The following GRIP1 variants were observed in gnomAD, a reference collection of about 807,000 sequenced individuals.
GRIP1 encodes glutamate receptor-interacting protein 1.
GRIP1 carries 45 observed loss-of-function variants against 129.9 expected under a neutral mutation model. The observed-to-expected ratio is 0.35, with a 90% CI of 0.27 to 0.44. The LOEUF is 0.44. Among genes scored for constraint, GRIP1 ranks in the 20% least tolerant of loss-of-function variants. The pLI, the probability that GRIP1 is intolerant of heterozygous loss-of-function variation, is 1.00. For synonymous variants in GRIP1, 530 were observed against 520.8 expected (o/e 1.02, Z -0.24); for missense variants, 1,196 against 1,396.8 (o/e 0.86, Z 2.29).
intron 1 of GRIP1, among the ~76,000 whole-genome samples, chr12:67,030,497 T>C (rs1274090051): frequency 1.3e-5 from 2 of 152,192 alleles, no homozygotes; most frequent in East Asian, 3.9e-4. Flanking sequence ...TATTGTCAGA[T>C]AGAAAAAAGT....
chr12:66,817,243 C>CACACAT lies in GRIP1; in HGVS notation c.59-220317_59-220316insATGTGT, dbSNP rs781019231. ...ACACACACACACACACACACACACACATATATATTTCCCACGGACTATTTC... is the reference window on the plus strand; with the variant it reads ...ACACACACACACACACACACACACACACACATATATATATTTCCCACGGACTATTTC... On this transcript the variant is annotated intron_variant, in intron 1 of 1. Coordinates refer to the GRIP1 transcript ENST00000643019. 5.7e-4 allele frequency among the ~76,000 whole-genome samples: 75 copies of CACACAT among 132,298 alleles called. 1 individual carries two copies. The highest frequency in any genetic ancestry group is 2.9e-3 in the Admixed American group (39 of 13,512). The allele number at this position is 132,298 out of a possible 152,430, so 86.8% of individuals were successfully genotyped here. A position where few individuals can be genotyped will look rare whatever the true frequency, so the allele number is the denominator to read the frequency against.
At chr12:66,655,985 T>C (rs562398734) in intron 1 of GRIP1, among the ~76,000 whole-genome samples, 2 of 152,312 alleles carry the variant, frequency 1.3e-5, no homozygotes, top group Admixed American at 6.5e-5. Context: ...AAATTAGATA[T>C]ACTGAAGATC....
At chr12:66,862,682 T>C (rs1052202045) in intron 1 of GRIP1, among the ~76,000 whole-genome samples, 4 of 151,996 alleles carry the variant, frequency 2.6e-5, no homozygotes, top group African/African-American at 9.7e-5. Context: ...TCTAGGAAAA[T>C]TGACCTTTCC....
In GRIP1 at chr12:66,685,596, C is replaced by T. The variant is rs373022966; in HGVS notation, c.-419-55260G>A. Among the ~76,000 whole-genome samples, 28 of 152,188 alleles carry T rather than the reference C, an allele frequency of 1.8e-4. No individual in the cohort carries two copies. In the East Asian group the frequency reaches 2.9e-3, roughly 16 times the overall value. On this transcript the variant is annotated intron_variant, in intron 1 of 4. Transcript: ENST00000538373. ...AGGATATAGCGGTGGTGGGCTTATG[C>T]GCTACTAGGAAGGAAAGAAACACAG...
chr12:66,548,514 G>T (rs1259604500), intron 2 of GRIP1, among the ~76,000 whole-genome samples: 1 of 152,198 alleles, frequency 6.6e-6, no homozygotes, highest in Non-Finnish European at 1.5e-5. Flanking sequence ...CCATGCAATG[G>T]GGGTAGGGTG....
chr12:66,544,493 G>A (rs910095992), intron 2 of GRIP1, among the ~76,000 whole-genome samples: 5 of 152,134 alleles, frequency 3.3e-5, no homozygotes, highest in South Asian at 2.1e-4. Context: ...AACGTAGAGC[G>A]AAGGCCTGAG....
At chr12:66,588,899 G>T (rs2063741898) in intron 2 of GRIP1, among the ~76,000 whole-genome samples, 1 of 151,688 alleles carries the variant, frequency 6.6e-6, no homozygotes, top group Non-Finnish European at 1.5e-5. Context: ...AACCTGGGAG[G>T]TGGAGGTTGC....
rs374620257 is a variant in GRIP1, at chr12:66,815,854, T to TCTC, written c.59-218928_59-218927insGAG. On this transcript the variant is annotated intron_variant, in intron 1 of 1. Coordinates refer to the GRIP1 transcript ENST00000643019. ...TTTCTTTCTTTCTTTCTTTCTTTCT[T>TCTC]TCTCTCTCTCTCTCTCTCTCTCTCT... Among the ~76,000 whole-genome samples, 457 of 116,812 alleles carry TCTC rather than the reference T, an allele frequency of 3.9e-3. 2 individuals carry two copies. The highest frequency in any genetic ancestry group is 5.8e-3 in the Admixed American group (59 of 10,094). 76.6% of individuals were successfully genotyped at this position (116,812 alleles called of 152,430 possible).
At chr12:66,377,130 A>T (rs2055822176) in intron 21 of GRIP1, 44 bp downstream of exon 21, 2 of 1,562,178 alleles carry the variant, frequency 1.3e-6, no homozygotes, top group African/African-American at 2.7e-5. Context: ...ACCAAAAAAA[A>T]TGAATGTAGA....
intron 1 of GRIP1, among the ~76,000 whole-genome samples, chr12:66,996,228 T>A (rs888235365): frequency 6.6e-6 from 1 of 152,152 alleles, no homozygotes; most frequent in Non-Finnish European, 1.5e-5. Context: ...AAAATTGATG[T>A]GATAATGATT....
At chr12:66,688,202 G>T (rs1398075918) in intron 1 of GRIP1, among the ~76,000 whole-genome samples, 2 of 152,124 alleles carry the variant, frequency 1.3e-5, no homozygotes, top group African/African-American at 4.8e-5. Context: ...TGTCACTTGG[G>T]ATCAAAGAGT....
intron 1 of GRIP1, among the ~76,000 whole-genome samples, chr12:67,009,592 T>C (rs1042357670): frequency 1.3e-5 from 2 of 152,172 alleles, no homozygotes; most frequent in Non-Finnish European, 2.9e-5. Flanking sequence ...GGCCCCAAAA[T>C]GGTTTCTGTT....
chr12:66,997,194 C>T (rs2042480289), intron 1 of GRIP1, among the ~76,000 whole-genome samples: 1 of 152,038 alleles, frequency 6.6e-6, no homozygotes, highest in Admixed American at 6.6e-5. Context: ...AAATCCTCCT[C>T]TTGAGTATTT....
chr12:66,797,901 G>T (rs1236889836), intron 1 of GRIP1, among the ~76,000 whole-genome samples: 2 of 152,134 alleles, frequency 1.3e-5, no homozygotes, highest in Admixed American at 6.6e-5. Flanking sequence ...CATTCTGATT[G>T]ACCTAGCTGT....
rs547809904 is a variant in GRIP1, at chr12:66,548,601, G to C, written c.137-6651C>G. Among the ~76,000 whole-genome samples, 3 of 152,282 alleles carry C rather than the reference G, an allele frequency of 2.0e-5. No homozygotes were observed. The South Asian group carries it at 6.2e-4, about 32-fold the overall frequency. ...ACTAAAATACATCAGAGGCTATGTGGATGACATGGACACCAGACATATTAA... is the reference window on the plus strand; with the variant it reads ...ACTAAAATACATCAGAGGCTATGTGCATGACATGGACACCAGACATATTAA... On this transcript the variant is annotated intron_variant, in intron 2 of 24. Transcript: ENST00000359742.
intron 1 of GRIP1, among the ~76,000 whole-genome samples, chr12:66,617,286 G>GAAA (rs63275262): frequency 2.4e-4 from 25 of 103,980 alleles, no homozygotes; most frequent in Non-Finnish European, 2.9e-4. Context: ...CAGCCAACAA[G>GAAA]AAAAAAAAAA....
intron 13 of GRIP1, among the ~76,000 whole-genome samples, chr12:66,436,824 G>C (rs951691706): frequency 6.6e-6 from 1 of 151,678 alleles, no homozygotes; most frequent in Non-Finnish European, 1.5e-5. Context: ...CTCTACTAAA[G>C]ATACAAAAAT....
chr12:66,938,561 G>T (rs765607449), intron 1 of GRIP1, among the ~76,000 whole-genome samples: 1 of 152,150 alleles, frequency 6.6e-6, no homozygotes, highest in Non-Finnish European at 1.5e-5. Flanking sequence ...GGGTATGTAA[G>T]GAATTCTGCA....
chr12:66,881,323 G>A (rs11176474), intron 1 of GRIP1, among the ~76,000 whole-genome samples: 1 of 152,162 alleles, frequency 6.6e-6, no homozygotes, highest in Admixed American at 6.6e-5. Flanking sequence ...AGGTTCACAA[G>A]GGAAGTAAAG....
Sources: allele counts gnomAD v4.1 joint callset (sites outside exome capture counted in the v4.1 genomes callset), GRCh38; gene constraint gnomAD v4.1.1; transcripts MANE v1.5; gene names NCBI Gene and HGNC (gene_info 2026-07-23, HGNC 2026-07-21).